The following WNK1 variants were observed in gnomAD, a reference collection of about 807,000 sequenced individuals.
WNK1 encodes the protein serine/threonine-protein kinase WNK1.
A neutral mutation model predicts 222.8 loss-of-function variants in WNK1; 38 were observed. The observed-to-expected ratio is 0.17, with a 90% confidence interval of 0.13 to 0.22. WNK1 has a LOEUF of 0.22. Ranked by LOEUF, WNK1 falls within the 10% of genes least tolerant of loss-of-function variation. WNK1 has a pLI of 1.00. For synonymous variants in WNK1, 1,090 were observed against 1,092.9 expected (o/e 1.00, Z 0.05); for missense variants, 2,348 against 2,918.4 (o/e 0.80, Z 4.50).
intron 1 of WNK1, among the ~76,000 whole-genome samples, chr12:758,184 A>C: frequency 6.8e-6 from 1 of 146,574 alleles, no homozygotes; most frequent in Non-Finnish European, 1.5e-5. Context: ...CATCTACCTG[A>C]AAAGAGAGGT....
intron 1 of WNK1, among the ~76,000 whole-genome samples, chr12:801,695 A>G (rs975356195): frequency 2.6e-5 from 4 of 151,818 alleles, no homozygotes; most frequent in Admixed American, 1.3e-4. Flanking sequence ...GGTGTCAACC[A>G]TTGTGCCCAG....
At chr12:775,088 T>C (rs1942951207) in intron 1 of WNK1, among the ~76,000 whole-genome samples, 1 of 152,144 alleles carries the variant, frequency 6.6e-6, no homozygotes, top group African/African-American at 2.4e-5. Context: ...TTGATATTGG[T>C]GTTTAAAATG....
intron 1 of WNK1, among the ~76,000 whole-genome samples, chr12:805,267 A>G (rs1946272232): frequency 6.6e-6 from 1 of 152,162 alleles, no homozygotes; most frequent in African/African-American, 2.4e-5. Flanking sequence ...CACTTTGTCC[A>G]CATCCTTGCC....
chr12:793,417 A>G (rs888812612), intron 1 of WNK1, among the ~76,000 whole-genome samples: 2 of 152,232 alleles, frequency 1.3e-5, no homozygotes, highest in Non-Finnish European at 2.9e-5. Flanking sequence ...CACAAGAGCT[A>G]AATAGTAAAT....
chr12:895,141 A>T (rs1008115602), intron 23 of WNK1, among the ~76,000 whole-genome samples: 2 of 152,242 alleles, frequency 1.3e-5, no homozygotes, highest in African/African-American at 4.8e-5. Context: ...ACATGATACC[A>T]TATCACTTTA....
intron 4 of WNK1, among the ~76,000 whole-genome samples, chr12:849,433 A>G (rs1378576976): frequency 1.3e-5 from 2 of 152,158 alleles, no homozygotes; most frequent in East Asian, 1.9e-4. Context: ...CTTTCCCTTA[A>G]TCACTAAAAT....
At chr12:878,396 C>G in intron 10 of WNK1, 35 bp downstream of exon 10, 1 of 1,593,146 alleles carries the variant, frequency 6.3e-7, no homozygotes, top group Non-Finnish European at 8.6e-7. Flanking sequence ...CAGGTAAACT[C>G]TTAATTTCTG....
intron 1 of WNK1, among the ~76,000 whole-genome samples, chr12:754,743 C>A (rs890249504): frequency 6.6e-6 from 1 of 152,114 alleles, no homozygotes; most frequent in African/African-American, 2.4e-5. Flanking sequence ...TCAGGCTGTT[C>A]TTTTTAAATG....
intron 23 of WNK1, among the ~76,000 whole-genome samples, chr12:895,026 C>T (rs72650762): frequency 8.7e-5 from 13 of 149,474 alleles, no homozygotes; most frequent in South Asian, 4.2e-4. Flanking sequence ...CATCATTTCT[C>T]ATTTTTCCAA....
chr12:884,360 A>G lies in WNK1; in HGVS notation c.3844+117A>G. 6.7e-7 allele frequency: 1 copy of G among 1,487,678 alleles called. No individual in the cohort carries two copies. The highest frequency in any genetic ancestry group is 9.3e-7 in the Non-Finnish European group (1 of 1,075,692). The allele number at this position is 1,487,678 out of a possible 1,614,324, so 92.2% of individuals were successfully genotyped here. Reference sequence around the variant, plus strand: ...CACAGATAATAAAAAAGAATAGAAAACTGAAGTTATAACCAACAGATAAAC... The same window carrying G: ...CACAGATAATAAAAAAGAATAGAAAGCTGAAGTTATAACCAACAGATAAAC... On this transcript the variant is annotated intron_variant, in intron 18 of 27. Coordinates refer to ENST00000315939, the MANE Select transcript of WNK1 (RefSeq NM_018979.4). The surrounding 1 kb of genome is among the most constrained non-coding windows in gnomAD (Gnocchi z 5.6).
intron 1 of WNK1, among the ~76,000 whole-genome samples, chr12:778,552 A>G (rs922069373): frequency 3.3e-5 from 5 of 151,884 alleles, no homozygotes; most frequent in African/African-American, 1.2e-4. Flanking sequence ...GCTGGCCTCA[A>G]ACTCCTGACC....
chr12:799,298 T>A (rs1230153141), intron 1 of WNK1, among the ~76,000 whole-genome samples: 1 of 130,894 alleles, frequency 7.6e-6, no homozygotes, highest in Non-Finnish European at 1.6e-5. Context: ...AATTTTTGTA[T>A]TTTTTTTTTT....
rs922670644 is a variant in WNK1 at position 765,112 on chromosome 12, G to C, written c.759+10788G>C. On this transcript the variant is annotated intron_variant, in intron 1 of 27. Transcript: ENST00000315939. ...TCCAAAGTGCTGGGAGTACAGGTGTGAGCCACTGCGTCCAGCCTTTATGTG... is the reference window on the plus strand; with the variant it reads ...TCCAAAGTGCTGGGAGTACAGGTGTCAGCCACTGCGTCCAGCCTTTATGTG... 4.7e-5 allele frequency among the ~76,000 whole-genome samples: 7 copies of C among 148,142 alleles called. 2 individuals carry two copies. Among genetic ancestry groups the C allele is most frequent in the Non-Finnish European group, 9.1e-5 (6 of 66,186 alleles).
rs763491786 is a variant in WNK1 at position 878,332 on chromosome 12, G to C, written c.2344G>C (p.Val782Leu). Residue 782 changes from valine to leucine, a missense_variant, in exon 10 of 28, where the codon GTC (valine) becomes CTC (leucine). Transcript: ENST00000315939. Reference sequence around the variant, plus strand: ...AGTGAGTCAGCCTCAAGCTCCACAAGTCTTGCCTCAAGTATCAGCTGGAAA... The same window carrying C: ...AGTGAGTCAGCCTCAAGCTCCACAACTCTTGCCTCAAGTATCAGCTGGAAA... ...QPVSQPQAPQVLPQVSAGKQL... is the reference protein window; with the variant it reads ...QPVSQPQAPQLLPQVSAGKQL... 3.2e-5 allele frequency: 52 copies of C among 1,613,196 alleles called. No homozygotes were observed. Among genetic ancestry groups the C allele is most frequent in the Non-Finnish European group, 4.3e-5 (51 of 1,179,898 alleles).
At position 880,975 on chromosome 12, in the gene WNK1, A is replaced by G. The variant is rs1305107461; in HGVS notation, c.3087A>G (p.Thr1029=). The G allele has an allele frequency of 2.5e-6, 4 of 1,613,948 alleles. No individual in the cohort carries two copies. Among genetic ancestry groups the G allele is most frequent in the South Asian group, 2.2e-5 (2 of 91,082 alleles). ...GGAGTTTAGCACAAGCCCCCACTAC[A>G]TCCTCCCAGCAAGCAGTTTTGGAGG... The part of the protein sequence containing the change: ...PGGSLAQAPT[T]SSQQAVLEST... Residue 1029 remains threonine, a synonymous_variant, in exon 12 of 28, where the codon ACA becomes ACG. Transcript: ENST00000315939.
At position 908,861 on chromosome 12, in the gene WNK1, G is replaced by GGGGGGGGGGGGGGGGGGGGGGCA; in HGVS notation, c.*69_*70insGGGGGGGGGGGGGGGGGGGGGCA. 2 of 491,846 alleles carry GGGGGGGGGGGGGGGGGGGGGGCA rather than the reference G, an allele frequency of 4.1e-6. No individual in the cohort carries two copies. Among genetic ancestry groups the GGGGGGGGGGGGGGGGGGGGGGCA allele is most frequent in the Non-Finnish European group, 4.1e-6 (1 of 241,770 alleles). The allele number at this position is 491,846 out of a possible 1,614,324, so 30.5% of individuals were successfully genotyped here. On this transcript the variant is annotated 3_prime_UTR_variant, in exon 28 of 28. Coordinates refer to ENST00000315939, the MANE Select transcript of WNK1 (RefSeq NM_018979.4). ...ATGCTGAGGGGGTGGGTGGGGGTGG[G>GGGGGGGGGGGGGGGGGGGGGGCA]AAGTAGCCTATATACTAACTACTAG...
At chr12:755,248 A>T (rs1273170236) in intron 1 of WNK1, among the ~76,000 whole-genome samples, 2 of 152,212 alleles carry the variant, frequency 1.3e-5, no homozygotes, top group African/African-American at 4.8e-5. Flanking sequence ...TATTAGTAGG[A>T]GCAGGTTTAT....
chr12:838,211 G>A (rs532687801), intron 4 of WNK1, among the ~76,000 whole-genome samples: 1 of 152,102 alleles, frequency 6.6e-6, no homozygotes, highest in South Asian at 2.1e-4. Flanking sequence ...GAATATTCAT[G>A]TACAAGTTTT....
chr12:754,658 T>C (rs917381883), intron 1 of WNK1, among the ~76,000 whole-genome samples: 1 of 152,162 alleles, frequency 6.6e-6, no homozygotes, highest in East Asian at 1.9e-4. Flanking sequence ...TCTTCTTCTG[T>C]GCATTTCAAT....
Sources: allele counts gnomAD v4.1 joint callset (sites outside exome capture counted in the v4.1 genomes callset), GRCh38; gene constraint gnomAD v4.1.1; non-coding constraint Gnocchi (gnomAD v3.1); transcripts MANE v1.5; gene names NCBI Gene and HGNC (gene_info 2026-07-23, HGNC 2026-07-21).